The following E2F7 variants were observed in gnomAD, a reference collection of about 807,000 sequenced individuals.
The protein encoded by E2F7 is transcription factor E2F7.
A neutral mutation model predicts 81.1 loss-of-function variants in E2F7; 35 were observed. The observed-to-expected ratio is 0.43, with a 90% CI of 0.33 to 0.57. E2F7 has a LOEUF of 0.57. Among genes scored for constraint, E2F7 ranks in the 20% least tolerant of loss-of-function variants. The pLI is 0.04. For missense variants in E2F7, 961 were observed against 1,093.7 expected, an observed-to-expected ratio of 0.88 and a Z score of 1.71; for synonymous variants, 416 against 416.2, an observed-to-expected ratio of 1.00 and a Z score of 0.01.
At chr12:77,037,872 A>T (rs1316739554) in intron 7 of E2F7, among the ~76,000 whole-genome samples, 1 of 152,198 alleles carries the variant, frequency 6.6e-6, no homozygotes, top group Non-Finnish European at 1.5e-5. Flanking sequence ...AAATGGTCAG[A>T]TTAGATTTAA....
At position 77,059,555 on chromosome 12, in the gene E2F7, C is replaced by T. The variant is rs781667593; in HGVS notation, c.94-3425G>A. 2.0e-5 allele frequency among the ~76,000 whole-genome samples: 3 copies of T among 152,196 alleles called. No individual in the cohort carries two copies. In the South Asian group the frequency reaches 6.2e-4, roughly 31 times the overall value. On this transcript the variant is annotated intron_variant, in intron 2 of 12. Coordinates refer to ENST00000322886, the MANE Select transcript of E2F7 (RefSeq NM_203394.3). ...TGTACCCTGATCTCTTCAGACATGA[C>T]TCATTCCCCAGCTGCTAGAAGTAAT...
chr12:77,026,041 A>C, intron 11 of E2F7, 59 bp from the exon 12 acceptor site: 1 of 1,503,968 alleles, frequency 6.6e-7, no homozygotes, highest in Non-Finnish European at 8.9e-7. Flanking sequence ...ATATCATTCA[A>C]GCTCACATTT....
Position 77,029,846 on chromosome 12 carries a change from C to A in E2F7, c.1869G>T (p.Ser623=), listed in dbSNP as rs367601021. 1 of 1,614,140 alleles carries A rather than the reference C, an allele frequency of 6.2e-7. No homozygotes were observed. ...QSREYEDGPL[S]LVMPKKPSDS... is the part of the protein sequence containing the mutation. The stretch of plus-strand genomic sequence containing the variant: ...ACTCCCTTACCTTGGGCATGACAAG[C>A]GACAGCGGGCCGTCTTCATATTCCC... Residue 623 remains serine (S), a synonymous_variant, in exon 10 of 13, where the codon TCG becomes TCT. Transcript: ENST00000322886.
intron 5 of E2F7, chr12:77,045,816 C>T (rs1954934715): frequency 1.8e-6 from 1 of 550,754 alleles, no homozygotes; most frequent in African/African-American, 1.9e-5. Context: ...TCCCAACAGG[C>T]CAAACTCGAG....
Position 77,044,727 on chromosome 12 carries a change from C to T in E2F7, c.898G>A (p.Val300Ile), listed in dbSNP as rs754335559. The change falls in exon 6 of 13, where the codon GTC (valine) becomes ATC (isoleucine). Residue 300 changes from valine (V) to isoleucine (I), a missense_variant. By Grantham distance (29) the Val-to-Ile change is conservative (BLOSUM62 3). Coordinates refer to ENST00000322886, the MANE Select transcript of E2F7 (RefSeq NM_203394.3). Reference sequence around the variant, plus strand: ...AGAGTGACAATCTTGGTTTTGGAGACGAGGAACAGCATGACAAACTTCTGG... The same window carrying T: ...AGAGTGACAATCTTGGTTTTGGAGATGAGGAACAGCATGACAAACTTCTGG... ...MSQKFVMLFL[V>I]SKTKIVTLDV... 14 of 1,613,930 alleles carry T rather than the reference C, an allele frequency of 8.7e-6. No individual in the cohort carries two copies. The highest frequency in any genetic ancestry group is 5.5e-5 in the South Asian group (5 of 91,086).
chr12:77,062,666 G>A (rs926428109), intron 2 of E2F7, among the ~76,000 whole-genome samples: 4 of 152,156 alleles, frequency 2.6e-5, no homozygotes, highest in African/African-American at 9.7e-5. Flanking sequence ...TGCTAGAGGA[G>A]AAGGGTCTTT....
intron 9 of E2F7, among the ~76,000 whole-genome samples, chr12:77,031,778 C>T (rs1046598221): frequency 2.6e-5 from 4 of 152,210 alleles, no homozygotes; most frequent in Non-Finnish European, 5.9e-5. Context: ...CCTACCATCT[C>T]ACTGCCTACT....
chr12:77,049,714 G>C (rs1168183247), intron 4 of E2F7, among the ~76,000 whole-genome samples: 1 of 152,084 alleles, frequency 6.6e-6, no homozygotes, highest in African/African-American at 2.4e-5. Flanking sequence ...AATTCAAGTA[G>C]ACTTTCCTCT....
rs1954736268 is a variant in E2F7 at position 77,024,001 on chromosome 12, G to C, written c.*14C>G. ...AGGGCGTTTGATCCCACCCCCACCT[G>C]GCAAAGCGGCAGGTTAGTCAGCGCC... On this transcript the variant is annotated 3_prime_UTR_variant, in exon 13 of 13. Coordinates refer to ENST00000322886, the MANE Select transcript of E2F7 (RefSeq NM_203394.3). 2 of 1,611,892 alleles carry C rather than the reference G, an allele frequency of 1.2e-6. No individual in the cohort carries two copies. Among genetic ancestry groups the C allele is most frequent in the South Asian group, 2.2e-5 (2 of 90,904 alleles).
chr12:77,051,485 C>T (rs1392271321), intron 3 of E2F7, among the ~76,000 whole-genome samples: 29 of 139,684 alleles, frequency 2.1e-4, no homozygotes, highest in Admixed American at 1.5e-3. Context: ...CGGGGCCTGT[C>T]GTGGGGTGGG....
At chr12:77,037,441 A>C (rs190186706) in intron 7 of E2F7, among the ~76,000 whole-genome samples, 166 of 152,280 alleles carry the variant, frequency 1.1e-3, no homozygotes, top group African/African-American at 3.7e-3. Context: ...AAAAACAAAC[A>C]AAAAAACCCC....
intron 2 of E2F7, among the ~76,000 whole-genome samples, chr12:77,056,750 C>T (rs1241600205): frequency 6.6e-6 from 1 of 152,152 alleles, no homozygotes. Context: ...ATGTGCAACA[C>T]AACTCCCACC....
In E2F7 at chr12:77,064,612, T is replaced by C. The variant is rs1955102997; in HGVS notation, c.24A>G (p.Leu8=). MEVNCLT[L]KDLISPRQPR... ...GCTGCCTGGGGCTGATCAGGTCTTT[T>C]AGTGTTAAACAATTTACCTCCATCT... The change falls in exon 2 of 13, where the codon CTA becomes CTG. Residue 8 remains leucine (L), a synonymous_variant. Coordinates refer to ENST00000322886, the MANE Select transcript of E2F7 (RefSeq NM_203394.3). 2.5e-6 allele frequency: 4 copies of C among 1,614,088 alleles called. No individual in the cohort carries two copies. The highest frequency in any genetic ancestry group is 1.3e-5 in the African/African-American group (1 of 75,054).
intron 4 of E2F7, among the ~76,000 whole-genome samples, chr12:77,047,611 G>A (rs987930776): frequency 6.6e-6 from 1 of 152,228 alleles, no homozygotes; most frequent in African/African-American, 2.4e-5. Flanking sequence ...GACTCTGAAT[G>A]TAGCTGTTGG....
intron 7 of E2F7, among the ~76,000 whole-genome samples, chr12:77,034,948 G>A (rs550209312): frequency 7.9e-5 from 12 of 152,224 alleles, no homozygotes; most frequent in South Asian, 4.2e-4. Flanking sequence ...CAGAAATTAC[G>A]AAATCAAAAA....
rs762836772 is a variant in E2F7, at chr12:77,043,218, G to C, written c.989-19C>G. ...ACCTTTGCTTGAAGATATAAAACAC[G>C]ATTACGGTCATGCTGCCTGTGACAC... On this transcript the variant is annotated intron_variant, in intron 6 of 12. Coordinates refer to ENST00000322886, the MANE Select transcript of E2F7 (RefSeq NM_203394.3). 6.2e-7 allele frequency: 1 copy of C among 1,613,674 alleles called. No individual in the cohort carries two copies. Among genetic ancestry groups the C allele is most frequent in the Non-Finnish European group, 8.5e-7 (1 of 1,179,866 alleles).
Position 77,044,737 on chromosome 12 carries a change from C to G in E2F7, c.888G>C (p.Met296Ile). 2 of 1,614,150 alleles carry G rather than the reference C, an allele frequency of 1.2e-6. No homozygotes were observed. The highest frequency in any genetic ancestry group is 1.7e-6 in the Non-Finnish European group (2 of 1,180,026). ...TCTTGGTTTTGGAGACGAGGAACAGCATGACAAACTTCTGGCTCATAATTC... is the reference window on the plus strand; with the variant it reads ...TCTTGGTTTTGGAGACGAGGAACAGGATGACAAACTTCTGGCTCATAATTC... ...SLRIMSQKFV[M>I]LFLVSKTKIV... The change falls in exon 6 of 13, where the codon ATG (methionine) becomes ATC (isoleucine). Residue 296 changes from methionine to isoleucine, a missense_variant. Physicochemically the swap from Met to Ile is conservative, Grantham distance 10. Coordinates refer to ENST00000322886, the MANE Select transcript of E2F7 (RefSeq NM_203394.3).
chr12:77,050,033 C>G (rs1244253964), intron 4 of E2F7, among the ~76,000 whole-genome samples: 2 of 152,158 alleles, frequency 1.3e-5, no homozygotes, highest in South Asian at 2.1e-4. Context: ...CACTCATGCA[C>G]GTGCACACAC....
At chr12:77,061,702 G>T (rs1008758967) in intron 2 of E2F7, among the ~76,000 whole-genome samples, 1 of 152,192 alleles carries the variant, frequency 6.6e-6, no homozygotes, top group Non-Finnish European at 1.5e-5. Flanking sequence ...GGCCAAGAAA[G>T]AAATCCTCTA....
Sources: gnomAD v4.1 joint callset for allele counts (sites outside exome capture counted in the v4.1 genomes callset) on GRCh38, gnomAD v4.1.1 for gene constraint, MANE v1.5 for transcripts, NCBI Gene and HGNC (gene_info 2026-07-23, HGNC 2026-07-21) for gene names.